The following PLXNB3 variants were observed in gnomAD, a reference collection of about 807,000 sequenced individuals.
PLXNB3 encodes plexin B3, also known as plexin-B3.
A neutral mutation model predicts 125.7 loss-of-function variants in PLXNB3; 80 were observed. That is an observed-to-expected ratio of 0.64 (90% CI 0.53 to 0.77). PLXNB3 has a LOEUF of 0.77. PLXNB3 is among the 30% of genes least tolerant of loss of function. The pLI, the probability that PLXNB3 is intolerant of heterozygous loss-of-function variation, is 0.00. For missense variants in PLXNB3, 1,836 were observed against 1,729.3 expected, an observed-to-expected ratio of 1.06 and a Z score of -1.09; for synonymous variants, 954 against 783.3, an observed-to-expected ratio of 1.22 and a Z score of -3.64.
At chrX:153,778,786 G>A in intron 35 of PLXNB3, 112 bp downstream of exon 35, 2 of 1,117,072 alleles carry the variant, frequency 1.8e-6, no homozygotes, top group Non-Finnish European at 2.4e-6. Flanking sequence ...CTGGGGAAGG[G>A]ACTCGGCTTT....
At chrX:153,774,619 G>A in intron 22 of PLXNB3, 48 bp downstream of exon 22, 1 of 1,163,288 alleles carries the variant, frequency 8.6e-7, no homozygotes, top group Non-Finnish European at 1.2e-6. Context: ...CCATTGGCAA[G>A]GGCGCCCTGG....
intron 2 of PLXNB3, chrX:153,765,936 C>G (rs111744145): frequency 1.3e-6 from 1 of 753,120 alleles, no homozygotes; most frequent in African/African-American, 2.3e-5. Context: ...TCCCACCAGG[C>G]ACACCCAGGA....
chrX:153,776,466 G>T lies in PLXNB3; in HGVS notation c.4833+7G>T, dbSNP rs782317085. On this transcript the variant is annotated splice_region_variant and intron_variant, in intron 28 of 35. Transcript: ENST00000361971. ...CACCTTGCAACACTACAAGGTGTGA[G>T]CAGGGACGGGGCGAGGCAGGGCGGG... 10 of 923,597 alleles carry T rather than the reference G, an allele frequency of 1.1e-5. No homozygotes were observed. The East Asian group carries it at 3.5e-4, about 32-fold the overall frequency. The allele number at this position is 923,597 out of a possible 1,213,427, so 76.1% of individuals were successfully genotyped here.
chrX:153,775,252 A>G lies in PLXNB3; in HGVS notation c.4183A>G (p.Ser1395Gly). ...CATCCACACCCTGGAGGAGCAGCCC[A>G]GCTTTTCCCAGAGGGATCGCTGCCA... is the stretch of plus-strand genomic sequence containing the variant. ...TLIHTLEEQP[S>G]FSQRDRCHVA... The change falls in exon 25 of 36, where the codon AGC (serine) becomes GGC (glycine). Residue 1395 changes from serine to glycine, a missense_variant. By Grantham distance (56) the Ser-to-Gly change is moderately conservative. Transcript: ENST00000361971. The G allele has an allele frequency of 1.7e-6, 2 of 1,195,777 alleles. No individual in the cohort carries two copies. The highest frequency in any genetic ancestry group is 3.7e-5 in the South Asian group (2 of 54,237).
chrX:153,770,798 T>C lies in PLXNB3; in HGVS notation c.2051T>C (p.Val684Ala). The change falls in exon 11 of 36, where the codon GTC becomes GCC. Residue 684 changes from valine (V) to alanine (A), a missense_variant. Physicochemically the swap from Val to Ala is moderately conservative, Grantham distance 64. Transcript: ENST00000361971. ...QVRGPGACPQ[V>A]EGLAGPHLVP... ...CGTGGCCCAGGGGCTTGCCCACAGG[T>C]CGAAGGCCTGGCAGGTCCCCACCTG... The C allele has an allele frequency of 1.1e-5, 13 of 1,207,789 alleles. No individual in the cohort carries two copies. The highest frequency in any genetic ancestry group is 1.3e-5 in the Non-Finnish European group (12 of 892,788).
Position 153,770,847 on chromosome X carries a change from T to C in PLXNB3, c.2100T>C (p.His700=). ...PHLVPVGWES[H]LALRVRNLQH... is the part of the protein sequence containing the mutation. ...TGGTGCCTGTGGGCTGGGAGAGCCA[T>C]TTGGCCCTACGCGTGCGGAACCTTC... Residue 700 remains histidine (H), a synonymous_variant, in exon 11 of 36, where the codon CAT becomes CAC. Transcript: ENST00000361971. 8.3e-7 allele frequency: 1 copy of C among 1,208,720 alleles called. No homozygotes were observed. Among genetic ancestry groups the C allele is most frequent in the Non-Finnish European group, 1.1e-6 (1 of 893,568 alleles).
chrX:153,778,990 G>A lies in PLXNB3; in HGVS notation c.5681G>A (p.Arg1894His), dbSNP rs973767706. 7.5e-6 allele frequency: 9 copies of A among 1,198,423 alleles called. No homozygotes were observed. Among genetic ancestry groups the A allele is most frequent in the Non-Finnish European group, 7.9e-6 (7 of 889,282 alleles). Residue 1894 changes from arginine to histidine, a missense_variant, in exon 36 of 36, where the codon CGC becomes CAC. By Grantham distance (29) the Arg-to-His change is conservative. Coordinates refer to ENST00000361971, the MANE Select transcript of PLXNB3 (RefSeq NM_005393.3). Reference sequence around the variant, plus strand: ...GGCCAGAAGCTGCAGCTGGCCTGCCGCCTGCAGCAGGTCGCCGCCCTGGTG... The same window carrying A: ...GGCCAGAAGCTGCAGCTGGCCTGCCACCTGCAGCAGGTCGCCGCCCTGGTG... ...PVGQKLQLAC[R>H]LQQVAALVEN...
At chrX:153,772,660 G>A in intron 16 of PLXNB3, 2 of 991,310 alleles carry the variant, frequency 2.0e-6, no homozygotes, top group East Asian at 3.9e-5. Flanking sequence ...GAGTGGCAGT[G>A]AGGATGAAAG....
Position 153,778,188 on chromosome X carries a change from G to A in PLXNB3, c.5410-73G>A, listed in dbSNP as rs1557065174. ...GAGGGCTGTGCACAGAGCTCTGGGT[G>A]GGCAGTGGCAGCATCATGGGGGCAC... On this transcript the variant is annotated intron_variant, in intron 32 of 35. Coordinates refer to ENST00000361971, the MANE Select transcript of PLXNB3 (RefSeq NM_005393.3). 5 of 1,192,892 alleles carry A rather than the reference G, an allele frequency of 4.2e-6. No individual in the cohort carries two copies. In the South Asian group the frequency reaches 8.9e-5, roughly 21 times the overall value.
At position 153,776,394 on chromosome X, in the gene PLXNB3, G is replaced by T; in HGVS notation, c.4768G>T (p.Asp1590Tyr). 1 of 1,195,824 alleles carries T rather than the reference G, an allele frequency of 8.4e-7. No homozygotes were observed. The highest frequency in any genetic ancestry group is 1.1e-6 in the Non-Finnish European group (1 of 888,215). ...SGLAGHLTLS[D>Y]EDLTSVTQNH... is the part of the protein sequence containing the mutation. Reference sequence around the variant, plus strand: ...CCTGGCTGGTCACCTGACCCTATCGGACGAAGACTTGACCTCCGTGACCCA... The same window carrying T: ...CCTGGCTGGTCACCTGACCCTATCGTACGAAGACTTGACCTCCGTGACCCA... Residue 1590 changes from aspartate (D) to tyrosine (Y), a missense_variant, in exon 28 of 36, where the codon GAC (aspartate) becomes TAC (tyrosine). Physicochemically the swap from Asp to Tyr is radical, Grantham distance 160. Coordinates refer to ENST00000361971, the MANE Select transcript of PLXNB3 (RefSeq NM_005393.3).
intron 2 of PLXNB3, chrX:153,765,888 C>T (rs973092143): frequency 1.5e-5 from 11 of 752,675 alleles, no homozygotes; most frequent in Non-Finnish European, 7.8e-6. Context: ...AGAGAAGGGG[C>T]TGCTCCCACC....
At chrX:153,765,171 G>A (rs1244908122) in intron 1 of PLXNB3, among the ~76,000 whole-genome samples, 1 of 113,034 alleles carries the variant, frequency 8.8e-6, no homozygotes, top group Non-Finnish European at 1.9e-5. Context: ...GGAAACCCCG[G>A]CCCTTTGTCC....
At chrX:153,764,878 A>T (rs1022250033) in intron 1 of PLXNB3, among the ~76,000 whole-genome samples, 1 of 112,976 alleles carries the variant, frequency 8.9e-6, no homozygotes, top group Non-Finnish European at 1.9e-5. Context: ...CATCTCAAGC[A>T]GCCTCCTCCC....
At chrX:153,777,127 C>A (rs1429002422) in intron 29 of PLXNB3, 81 bp from the exon 30 acceptor site, 1 of 1,067,319 alleles carries the variant, frequency 9.4e-7, no homozygotes, top group Admixed American at 2.9e-5. Context: ...CACACTGCCC[C>A]ACCTTGTCGG....
Position 153,775,311 on chromosome X carries a change from C to G in PLXNB3, c.4242C>G (p.Gly1414=). 1.7e-6 allele frequency: 2 copies of G among 1,210,112 alleles called. No individual in the cohort carries two copies. Among genetic ancestry groups the G allele is most frequent in the Non-Finnish European group, 2.2e-6 (2 of 894,843 alleles). ...CGCTGCTGTCGCTAGCGCTACACGG[C>G]AAGCTGGAGTACCTGACGGACATCA... ...VASLLSLALH[G]KLEYLTDIMR... is the part of the protein sequence containing the mutation. Residue 1414 remains glycine, a synonymous_variant, in exon 25 of 36, where the codon GGC becomes GGG. Coordinates refer to ENST00000361971, the MANE Select transcript of PLXNB3 (RefSeq NM_005393.3).
chrX:153,770,068 C>T (rs370818700), intron 7 of PLXNB3, 24 bp from the exon 8 acceptor site: 15 of 1,205,994 alleles, frequency 1.2e-5, no homozygotes, highest in East Asian at 5.9e-5. Context: ...CTACATCTCC[C>T]GGTTTCTCCC....
Position 153,767,638 on chromosome X carries a change from A to T in PLXNB3, c.811A>T (p.Thr271Ser). The change falls in exon 3 of 36, where the codon ACC (threonine) becomes TCC (serine). Residue 271 changes from threonine to serine, a missense_variant. By Grantham distance (58) the Thr-to-Ser change is moderately conservative. Coordinates refer to ENST00000361971, the MANE Select transcript of PLXNB3 (RefSeq NM_005393.3). ...CGTGGCCCGCGTCTGCCTGGGGGAC[A>T]CCAACCTGTACTCCTACGTGGAGGT... The part of the protein sequence containing the change: ...SYVARVCLGD[T>S]NLYSYVEVPL... The T allele has an allele frequency of 4.2e-6, 5 of 1,196,730 alleles. No individual in the cohort carries two copies. The highest frequency in any genetic ancestry group is 5.6e-6 in the Non-Finnish European group (5 of 888,183).
rs782688715 is a variant in PLXNB3, at chrX:153,777,983, A to G, written c.5297A>G (p.Asn1766Ser). 4.0e-5 allele frequency: 48 copies of G among 1,210,224 alleles called. No individual in the cohort carries two copies. The highest frequency in any genetic ancestry group is 5.1e-5 in the Non-Finnish European group (46 of 895,063). Residue 1766 changes from asparagine (N) to serine (S), a missense_variant, in exon 32 of 36, where the codon AAC becomes AGC. Physicochemically the swap from Asn to Ser is conservative, Grantham distance 46 (BLOSUM62 1). Transcript: ENST00000361971. The stretch of plus-strand genomic sequence containing the variant: ...CGGTTCTGGGTGAATGCCTTGAAGA[A>G]CCCACAGCTCATCTTTGATGTACGG... The part of the protein sequence containing the change: ...LLRFWVNALK[N>S]PQLIFDVRVS...
chrX:153,770,508 C>T lies in PLXNB3; in HGVS notation c.1896-20C>T, dbSNP rs1319220003. The T allele has an allele frequency of 8.3e-7, 1 of 1,204,209 alleles. No homozygotes were observed. The highest frequency in any genetic ancestry group is 1.1e-6 in the Non-Finnish European group (1 of 891,212). ...CGACCCCAGAGGGCACTCAGTTGAG[C>T]AGCCACCCTGCCCCTCTAGGTGTCG... On this transcript the variant is annotated intron_variant, in intron 9 of 35. Coordinates refer to ENST00000361971, the MANE Select transcript of PLXNB3 (RefSeq NM_005393.3).
Sources: allele counts gnomAD v4.1 joint callset (sites outside exome capture counted in the v4.1 genomes callset), GRCh38; gene constraint gnomAD v4.1.1; transcripts MANE v1.5; gene names NCBI Gene and HGNC (gene_info 2026-07-23, HGNC 2026-07-21).